Variants in STX6 observed in about 807,000 individuals in gnomAD.
STX6 encodes syntaxin-6.
Under a neutral mutation model 38.0 loss-of-function variants are expected in STX6, and 23 were observed. The observed-to-expected ratio is 0.60, with a 90% CI of 0.43 to 0.86. STX6 has a LOEUF of 0.86. Among genes scored for constraint, STX6 ranks in the 40% least tolerant of loss-of-function variants. The probability of loss-of-function intolerance (pLI) is 0.00; values close to 1 mark genes in which losing one functional copy is unlikely to be tolerated. For missense variants in STX6, 274 were observed against 312.9 expected (o/e 0.88, Z 0.94); for synonymous variants, 123 against 107.5 (o/e 1.14, Z -0.89).
intron 1 of STX6, among the ~76,000 whole-genome samples, chr1:181,013,453 G>A (rs935354353): frequency 6.6e-6 from 1 of 152,108 alleles, no homozygotes; most frequent in Non-Finnish European, 1.5e-5. Context: ...CAAGTTGCTA[G>A]GACTACAGGT....
In STX6 at chr1:180,976,575, G is replaced by A. The variant is rs764950465; in HGVS notation, c.763C>T (p.Leu255=). The change falls in exon 8 of 8, where the codon CTG becomes TTG. Residue 255 remains leucine, a synonymous_variant. Transcript: ENST00000258301. ...CGCACCCAGAGGCCCCGCCGTCACA[G>A]CACTAAGAAGAGGATGAGCACAACC... The part of the protein sequence containing the change: ...LLVVLILFLV[L] 1.9e-6 allele frequency: 3 copies of A among 1,613,640 alleles called. No homozygotes were observed. Among genetic ancestry groups the A allele is most frequent in the Non-Finnish European group, 2.5e-6 (3 of 1,179,950 alleles).
intron 7 of STX6, among the ~76,000 whole-genome samples, chr1:180,982,536 T>C (rs555951827): frequency 6.6e-6 from 1 of 152,360 alleles, no homozygotes; most frequent in Non-Finnish European, 1.5e-5. Flanking sequence ...GTGCTATTTA[T>C]ACACACTGGG....
chr1:181,000,875 C>CA (rs34045263), intron 3 of STX6, among the ~76,000 whole-genome samples: 12,484 of 72,546 alleles, frequency 0.17, 594 homozygotes, highest in Middle Eastern at 0.26. Flanking sequence ...CCTACTACTA[C>CA]AAAAAAAAAA....
chr1:181,005,295 G>C lies in STX6; in HGVS notation c.204C>G (p.Ile68Met), dbSNP rs1258994929. Residue 68 changes from isoleucine to methionine, a missense_variant and splice_region_variant, in exon 2 of 8, where the codon ATC (isoleucine) becomes ATG (methionine). Physicochemically the swap from Ile to Met is conservative, Grantham distance 10. Coordinates refer to ENST00000258301, the MANE Select transcript of STX6 (RefSeq NM_005819.6). Reference protein sequence around the residue: ...EWDLEDLDETISIVEANPRKF... With the variant: ...EWDLEDLDETMSIVEANPRKF... ...CACAGACACCACAGAAAAGGATATT[G>C]ATGGTTTCATCAAGGTCCTCTAGAT... 6.2e-7 allele frequency: 1 copy of C among 1,613,190 alleles called. No homozygotes were observed. The highest frequency in any genetic ancestry group is 1.7e-5 in the Admixed American group (1 of 59,906).
chr1:180,979,438 A>G (rs7528526), intron 7 of STX6, among the ~76,000 whole-genome samples: 85,558 of 152,154 alleles, frequency 0.56, 24,382 homozygotes, highest in East Asian at 0.63. Context: ...GCAATACAAC[A>G]GAGCAAAGAG....
chr1:180,984,619 C>A, intron 7 of STX6, 58 bp downstream of exon 7: 1 of 728,242 alleles, frequency 1.4e-6, no homozygotes, highest in South Asian at 1.7e-5. Flanking sequence ...AGACAACACC[C>A]CCAAGACAGA....
rs746490129 is a variant in STX6 at position 181,002,689 on chromosome 1, C to T, written c.217G>A (p.Ala73Thr). Residue 73 changes from alanine to threonine, a missense_variant, in exon 3 of 8, where the codon GCA becomes ACA. Coordinates refer to ENST00000258301, the MANE Select transcript of STX6 (RefSeq NM_005819.6). ...TCAAGGTTAAATTTTCTAGGATTTGCTTCAACTATGCGTAGGTCAAAAAGT... is the reference window on the plus strand; with the variant it reads ...TCAAGGTTAAATTTTCTAGGATTTGTTTCAACTATGCGTAGGTCAAAAAGT... The part of the protein sequence containing the change: ...DLDETISIVE[A>T]NPRKFNLDAT... 1 of 1,612,652 alleles carries T rather than the reference C, an allele frequency of 6.2e-7. No individual in the cohort carries two copies. The highest frequency in any genetic ancestry group is 1.1e-5 in the South Asian group (1 of 91,024).
At chr1:180,989,604 G>A (rs140615594) in intron 5 of STX6, among the ~76,000 whole-genome samples, 15 of 151,976 alleles carry the variant, frequency 9.9e-5, no homozygotes, top group African/African-American at 3.1e-4. Flanking sequence ...TTTTTTCTAA[G>A]AGAACTAACT....
intron 1 of STX6, among the ~76,000 whole-genome samples, chr1:181,008,103 C>T (rs1656280777): frequency 6.6e-6 from 1 of 152,208 alleles, no homozygotes; most frequent in South Asian, 2.1e-4. Context: ...TATACCAAAA[C>T]TTGACAACTG....
At position 181,002,590 on chromosome 1, in the gene STX6, A is replaced by C. The variant is rs562641362; in HGVS notation, c.300+16T>G. On this transcript the variant is annotated intron_variant, in intron 3 of 7. Transcript: ENST00000258301. Reference sequence around the variant, plus strand: ...TATTTCTTATACAGATAACACAATAAGATCATATTCCTTACCCTGACAACT... The same window carrying C: ...TATTTCTTATACAGATAACACAATACGATCATATTCCTTACCCTGACAACT... The C allele has an allele frequency of 6.4e-7, 1 of 1,574,128 alleles. No homozygotes were observed. Among genetic ancestry groups the C allele is most frequent in the East Asian group, 2.2e-5 (1 of 44,620 alleles).
At position 181,002,627 on chromosome 1, in the gene STX6, T is replaced by C. The variant is rs1389775066; in HGVS notation, c.279A>G (p.Thr93=). The change falls in exon 3 of 8, where the codon ACA becomes ACG. Residue 93 remains threonine, a synonymous_variant. Coordinates refer to ENST00000258301, the MANE Select transcript of STX6 (RefSeq NM_005819.6). The stretch of plus-strand genomic sequence containing the variant: ...TTACCCTGACAACTTGCCGAGTACT[T>C]GTAATGAAGGCTTTTCTTATACTCA... ...TELSIRKAFI[T]STRQVVRDMK... 10 of 1,613,228 alleles carry C rather than the reference T, an allele frequency of 6.2e-6. No individual in the cohort carries two copies. The highest frequency in any genetic ancestry group is 1.1e-5 in the South Asian group (1 of 91,062).
At chr1:181,005,707 G>A (rs1201499724) in intron 1 of STX6, among the ~76,000 whole-genome samples, 2 of 152,140 alleles carry the variant, frequency 1.3e-5, no homozygotes, top group Non-Finnish European at 1.5e-5. Context: ...AAGTTTGTTG[G>A]GGAAGGACAA....
At chr1:181,010,492 G>T (rs1230270952) in intron 1 of STX6, among the ~76,000 whole-genome samples, 2 of 152,022 alleles carry the variant, frequency 1.3e-5, no homozygotes, top group African/African-American at 4.8e-5. Context: ...AGTAGAAACA[G>T]AGTTTCACTA....
At chr1:180,976,682 G>A in intron 7 of STX6, 36 bp from the exon 8 acceptor site, 1 of 1,582,374 alleles carries the variant, frequency 6.3e-7, no homozygotes, top group Non-Finnish European at 8.7e-7. Context: ...CTCTCACAGG[G>A]ACTCCACATT....
intron 7 of STX6, among the ~76,000 whole-genome samples, chr1:180,980,206 C>CAAAGAAAAAAAA (rs1655364937): frequency 1.1e-5 from 1 of 88,250 alleles, no homozygotes. Flanking sequence ...GACTCTGTCT[C>CAAAGAAAAAAAA]AAAAAAAAAA....
intron 5 of STX6, 106 bp from the exon 6 acceptor site, chr1:180,988,451 C>T: frequency 1.3e-6 from 1 of 782,840 alleles, no homozygotes; most frequent in Non-Finnish European, 2.1e-6. Flanking sequence ...GGACAATTCA[C>T]ATTCAGAAGC....
At chr1:180,988,483 C>T in intron 5 of STX6, 138 bp from the exon 6 acceptor site, 1 of 635,784 alleles carries the variant, frequency 1.6e-6, no homozygotes, top group Non-Finnish European at 2.8e-6. Flanking sequence ...ATCAAAGGAC[C>T]AGACCGTTGC....
intron 6 of STX6, among the ~76,000 whole-genome samples, chr1:180,985,954 A>C (rs969982794): frequency 1.3e-5 from 2 of 152,220 alleles, no homozygotes; most frequent in Admixed American, 6.5e-5. Flanking sequence ...GACAACTAAA[A>C]TAAGTCTTTG....
chr1:180,981,594 C>A lies in STX6; in HGVS notation c.691+3083G>T, dbSNP rs184068037. Among the ~76,000 whole-genome samples, 7 of 152,236 alleles carry A rather than the reference C, an allele frequency of 4.6e-5. No homozygotes were observed. In the East Asian group the frequency reaches 1.4e-3, roughly 29 times the overall value. On this transcript the variant is annotated intron_variant, in intron 7 of 7. Coordinates refer to ENST00000258301, the MANE Select transcript of STX6 (RefSeq NM_005819.6). ...ATCAGCCTCTACTCATGCCTCCTAC[C>A]ACCCTCCAATCACCTTCTCTTCCAC...
Sources: gnomAD v4.1 joint callset for allele counts (sites outside exome capture counted in the v4.1 genomes callset) on GRCh38, gnomAD v4.1.1 for gene constraint, MANE v1.5 for transcripts, NCBI Gene and HGNC (gene_info 2026-07-23, HGNC 2026-07-21) for gene names.